CNBD1: variants seen among roughly 807,000 people sequenced by gnomAD.
The protein encoded by CNBD1 is cyclic nucleotide binding domain containing 1.
A neutral mutation model predicts 54.4 loss-of-function variants in CNBD1; 71 were observed. The observed-to-expected ratio is 1.30, with a 90% confidence interval of 1.08 to 1.59. The LOEUF is 1.59. Among genes scored for constraint, CNBD1 ranks in the 40% most tolerant of loss-of-function variants. The pLI is 0.00. For missense variants in CNBD1, 659 were observed against 518.0 expected, an observed-to-expected ratio of 1.27 and a Z score of -2.64; for synonymous variants, 182 against 170.7, an observed-to-expected ratio of 1.07 and a Z score of -0.51.
intron 6 of CNBD1, 128 bp downstream of exon 6, chr8:87,237,240 A>T (rs1015721047): frequency 6.1e-6 from 3 of 492,934 alleles, no homozygotes; most frequent in African/African-American, 3.9e-5. Context: ...TATAGCCTTT[A>T]AAATATAAAT....
intron 6 of CNBD1, among the ~76,000 whole-genome samples, chr8:87,238,599 T>G (rs1319632339): frequency 6.6e-6 from 1 of 152,106 alleles, no homozygotes. Flanking sequence ...AGGTTGAGAC[T>G]GCTATAGCAG....
chr8:87,403,007 G>A (rs945801872), intron 2 of CNBD1, among the ~76,000 whole-genome samples: 4 of 152,016 alleles, frequency 2.6e-5, no homozygotes, highest in South Asian at 4.1e-4. Flanking sequence ...ATCATATTCA[G>A]TTAAGGAGGA....
At chr8:87,356,198 C>T (rs199970560) in intron 10 of CNBD1, among the ~76,000 whole-genome samples, 12 of 152,078 alleles carry the variant, frequency 7.9e-5, no homozygotes, top group East Asian at 7.7e-4. Context: ...CTAATACAGA[C>T]GTGGGGTGTT....
chr8:87,149,921 A>C (rs1290693346), intron 4 of CNBD1, among the ~76,000 whole-genome samples: 5 of 152,176 alleles, frequency 3.3e-5, no homozygotes, highest in African/African-American at 1.2e-4. Flanking sequence ...CACGCCTGTA[A>C]TCCCAGCACT....
intron 4 of CNBD1, among the ~76,000 whole-genome samples, chr8:87,102,654 C>T (rs1811454085): frequency 6.6e-6 from 1 of 152,178 alleles, no homozygotes; most frequent in Admixed American, 6.5e-5. Flanking sequence ...CACTCTGTTG[C>T]CCAGGCTGGA....
intron 2 of CNBD1, among the ~76,000 whole-genome samples, chr8:87,424,082 C>A (rs1056721343): frequency 1.3e-5 from 2 of 152,138 alleles, no homozygotes; most frequent in Non-Finnish European, 2.9e-5. Flanking sequence ...TTGTAGTATT[C>A]TCTGATGGTA....
At chr8:86,973,803 G>C (rs1289907295) in intron 4 of CNBD1, among the ~76,000 whole-genome samples, 2 of 152,122 alleles carry the variant, frequency 1.3e-5, no homozygotes, top group Non-Finnish European at 1.5e-5. Flanking sequence ...CAGTAGCATT[G>C]AAACAGGAAA....
chr8:87,274,119 C>G (rs1585975007), intron 6 of CNBD1, among the ~76,000 whole-genome samples: 1 of 151,982 alleles, frequency 6.6e-6, no homozygotes, highest in African/African-American at 2.4e-5. Context: ...TTTATGGCTG[C>G]ATAGTATTCC....
At chr8:87,184,085 C>T (rs1813423341) in intron 4 of CNBD1, among the ~76,000 whole-genome samples, 1 of 152,162 alleles carries the variant, frequency 6.6e-6, no homozygotes, top group Non-Finnish European at 1.5e-5. Context: ...AATGGGGTGA[C>T]AGAAGGGGCT....
intron 3 of CNBD1, among the ~76,000 whole-genome samples, chr8:86,910,203 C>G (rs1271566487): frequency 7.2e-5 from 11 of 152,130 alleles, no homozygotes; most frequent in Admixed American, 7.2e-4. Flanking sequence ...TTCGCCTAAC[C>G]TACTGGAGGA....
At chr8:86,962,972 C>T (rs545061092) in intron 4 of CNBD1, among the ~76,000 whole-genome samples, 107 of 152,134 alleles carry the variant, frequency 7.0e-4, no homozygotes, top group African/African-American at 2.4e-3. Context: ...CAAAGGAGTC[C>T]AGTGATTTAG....
chr8:87,344,393 A>T (rs1477834420), intron 8 of CNBD1, among the ~76,000 whole-genome samples: 2 of 152,112 alleles, frequency 1.3e-5, no homozygotes, highest in Non-Finnish European at 2.9e-5. Context: ...CAGTTTAAAA[A>T]TAGAAATGGA....
At chr8:86,940,139 T>TTTTTTTC (rs1385852770) in intron 4 of CNBD1, among the ~76,000 whole-genome samples, 1 of 13,782 alleles carries the variant, frequency 7.3e-5, no homozygotes, top group Admixed American at 7.0e-4. Context: ...TTACTTTTTT[T>TTTTTTTC]TTTTTTTTTT....
intron 6 of CNBD1, among the ~76,000 whole-genome samples, chr8:87,268,534 C>T (rs1342855441): frequency 6.6e-6 from 1 of 152,054 alleles, no homozygotes; most frequent in Non-Finnish European, 1.5e-5. Flanking sequence ...CTACACTGCT[C>T]ACCACAGTGG....
chr8:87,010,355 G>A (rs540862673), intron 4 of CNBD1, among the ~76,000 whole-genome samples: 2 of 152,026 alleles, frequency 1.3e-5, no homozygotes, highest in South Asian at 4.2e-4. Flanking sequence ...ATTTTCTAAT[G>A]CTTTGTTTTA....
chr8:86,887,620 T>C lies in CNBD1; in HGVS notation c.158+9T>C, dbSNP rs749489245. 6.4e-7 allele frequency: 1 copy of C among 1,554,860 alleles called. No individual in the cohort carries two copies. The highest frequency in any genetic ancestry group is 2.3e-5 in the East Asian group (1 of 43,602). On this transcript the variant is annotated intron_variant, in intron 2 of 10. Coordinates refer to ENST00000518476, the MANE Select transcript of CNBD1 (RefSeq NM_173538.3). ...ATTAGAGGACAACACAGGTAAGCTA[T>C]TCATGCATTTCTTTTTCTGTCATTC... is the stretch of plus-strand genomic sequence containing the variant.
intron 10 of CNBD1, among the ~76,000 whole-genome samples, chr8:87,364,094 G>A (rs1310699159): frequency 6.6e-6 from 1 of 151,624 alleles, no homozygotes; most frequent in Non-Finnish European, 1.5e-5. Context: ...GTATTTTATA[G>A]AGGTATTATA....
At chr8:87,066,242 T>C (rs1489943866) in intron 4 of CNBD1, among the ~76,000 whole-genome samples, 1 of 151,996 alleles carries the variant, frequency 6.6e-6, no homozygotes, top group Non-Finnish European at 1.5e-5. Context: ...CTATGACTGT[T>C]GATAAATGAT....
intron 5 of CNBD1, among the ~76,000 whole-genome samples, chr8:87,226,788 G>T (rs905701137): frequency 6.6e-6 from 1 of 151,226 alleles, no homozygotes; most frequent in Non-Finnish European, 1.5e-5. Flanking sequence ...CAATTCCTGG[G>T]TATCCTTGTT....
Sources: allele counts gnomAD v4.1 joint callset (sites outside exome capture counted in the v4.1 genomes callset), GRCh38; gene constraint gnomAD v4.1.1; transcripts MANE v1.5; gene names NCBI Gene and HGNC (gene_info 2026-07-23, HGNC 2026-07-21).